Variants in GAP43 observed in about 807,000 individuals in gnomAD.
GAP43 encodes the protein neuromodulin.
A neutral mutation model predicts 18.6 loss-of-function variants in GAP43; 6 were observed. That is an observed-to-expected ratio of 0.32 (90% CI 0.18 to 0.64). The LOEUF (loss-of-function observed/expected upper bound fraction) is 0.64. GAP43 is among the 30% of genes least tolerant of loss of function. GAP43 has a pLI of 0.78. For missense variants in GAP43, 292 were observed against 295.5 expected (o/e 0.99, Z 0.09); for synonymous variants, 115 against 111.4 (o/e 1.03, Z -0.20).
intron 2 of GAP43, among the ~76,000 whole-genome samples, chr3:115,706,702 T>C (rs1709368333): frequency 6.6e-6 from 1 of 152,206 alleles, no homozygotes; most frequent in Admixed American, 6.5e-5. Flanking sequence ...TTTTGGACTT[T>C]GGTCTCTGAC....
chr3:115,635,499 A>G (rs1244801987), intron 1 of GAP43, among the ~76,000 whole-genome samples: 3 of 152,108 alleles, frequency 2.0e-5, no homozygotes, highest in Admixed American at 2.0e-4. Flanking sequence ...GGAAATGAGG[A>G]TTTCTATAAC....
At chr3:115,628,275 C>T (rs951073451) in intron 1 of GAP43, among the ~76,000 whole-genome samples, 2 of 151,940 alleles carry the variant, frequency 1.3e-5, no homozygotes, top group African/African-American at 4.8e-5. Context: ...ATGCCCTGCT[C>T]TTTCTTGAGA....
intron 1 of GAP43, among the ~76,000 whole-genome samples, chr3:115,672,827 TATTA>T (rs1050377315): frequency 1.5e-4 from 23 of 150,122 alleles, no homozygotes; most frequent in African/African-American, 5.4e-4. Context: ...GAAAAACTTC[TATTA>T]ATTGTCTTTT....
intron 1 of GAP43, among the ~76,000 whole-genome samples, chr3:115,650,990 G>A (rs1390509314): frequency 6.6e-6 from 1 of 152,002 alleles, no homozygotes; most frequent in African/African-American, 2.4e-5. Flanking sequence ...AAATTAGCTG[G>A]GCATTGTGGC....
chr3:115,689,876 G>T (rs998350721), intron 2 of GAP43, among the ~76,000 whole-genome samples: 14 of 152,144 alleles, frequency 9.2e-5, no homozygotes, highest in Non-Finnish European at 1.8e-4. Flanking sequence ...AAGAATAGAT[G>T]GTAGAAAAGA....
intron 1 of GAP43, among the ~76,000 whole-genome samples, chr3:115,660,660 G>C (rs1431723102): frequency 1.3e-5 from 2 of 152,190 alleles, no homozygotes; most frequent in Non-Finnish European, 2.9e-5. Flanking sequence ...TTCTCAGAAC[G>C]GGTGTGTTTA....
chr3:115,657,807 C>T (rs1238768336), intron 1 of GAP43, among the ~76,000 whole-genome samples: 1 of 152,116 alleles, frequency 6.6e-6, no homozygotes, highest in Non-Finnish European at 1.5e-5. Flanking sequence ...TCCTCCCCAC[C>T]TCTGCCTCCC....
Position 115,662,002 on chromosome 3 carries a change from G to C in GAP43, c.31-14011G>C, listed in dbSNP as rs541848771. ...CTAAAGTTTGTTTTTGGTGGGGGTC[G>C]GGGGGAAGGGGAAGGGCATATTGTA... On this transcript the variant is annotated intron_variant, in intron 1 of 2. Transcript: ENST00000305124. Among the ~76,000 whole-genome samples, 5 of 151,702 alleles carry C rather than the reference G, an allele frequency of 3.3e-5. No individual in the cohort carries two copies. In the South Asian group the frequency reaches 1.0e-3, roughly 32 times the overall value.
chr3:115,698,298 T>TTATATATAAATATAATATATATATA (rs1346874936), intron 2 of GAP43, among the ~76,000 whole-genome samples: 1 of 62,466 alleles, frequency 1.6e-5, no homozygotes, highest in Non-Finnish European at 2.9e-5. Flanking sequence ...ATATATATAT[T>TTATATATAAATATAATATATATATA]ATATATAAAA....
At chr3:115,671,480 C>G (rs906056097) in intron 1 of GAP43, among the ~76,000 whole-genome samples, 1 of 152,080 alleles carries the variant, frequency 6.6e-6, no homozygotes, top group Non-Finnish European at 1.5e-5. Flanking sequence ...TGTCCTACAC[C>G]TTGGTTTCCT....
At chr3:115,642,076 T>C (rs1708404387) in intron 1 of GAP43, among the ~76,000 whole-genome samples, 1 of 152,072 alleles carries the variant, frequency 6.6e-6, no homozygotes, top group South Asian at 2.1e-4. Flanking sequence ...TTTCTTCCCA[T>C]GTCAGTGCTA....
At chr3:115,653,377 G>A (rs945943840) in intron 1 of GAP43, among the ~76,000 whole-genome samples, 1 of 152,152 alleles carries the variant, frequency 6.6e-6, no homozygotes, top group Non-Finnish European at 1.5e-5. Flanking sequence ...AGGAGGCGGA[G>A]GGTGCAGTGA....
At chr3:115,703,499 C>T (rs1709323037) in intron 2 of GAP43, among the ~76,000 whole-genome samples, 1 of 151,996 alleles carries the variant, frequency 6.6e-6, no homozygotes, top group African/African-American at 2.4e-5. Flanking sequence ...TGTCCCTCTG[C>T]CTGGGGTATC....
intron 2 of GAP43, among the ~76,000 whole-genome samples, chr3:115,720,321 C>T (rs1057037950): frequency 2.0e-5 from 3 of 152,154 alleles, no homozygotes; most frequent in African/African-American, 7.2e-5. Flanking sequence ...AGCACTGTCC[C>T]ACAGGAGCTG....
At chr3:115,698,440 A>G (rs576398126) in intron 2 of GAP43, among the ~76,000 whole-genome samples, 2 of 147,850 alleles carry the variant, frequency 1.4e-5, no homozygotes, top group East Asian at 4.0e-4. Flanking sequence ...CAATAAAACC[A>G]GTAGGTCTTC....
chr3:115,630,020 T>A (rs904222427), intron 1 of GAP43, among the ~76,000 whole-genome samples: 2 of 152,094 alleles, frequency 1.3e-5, no homozygotes, highest in Admixed American at 1.3e-4. Context: ...GCTGGCACTA[T>A]CTCCCCTCCA....
chr3:115,656,510 A>G (rs1014659164), intron 1 of GAP43, among the ~76,000 whole-genome samples: 1 of 152,186 alleles, frequency 6.6e-6, no homozygotes, highest in African/African-American at 2.4e-5. Context: ...GTAAATATGT[A>G]TACTGAGGGT....
At chr3:115,685,050 A>G (rs1709016021) in intron 2 of GAP43, among the ~76,000 whole-genome samples, 1 of 152,196 alleles carries the variant, frequency 6.6e-6, no homozygotes, top group African/African-American at 2.4e-5. Flanking sequence ...ATCTGTGACA[A>G]TACTTTGAAT....
intron 1 of GAP43, among the ~76,000 whole-genome samples, chr3:115,670,132 G>T (rs1708798218): frequency 8.0e-6 from 1 of 125,272 alleles, no homozygotes. Flanking sequence ...ATCTCCCAAT[G>T]CTATCCCTCC....
Sources: allele counts gnomAD v4.1 joint callset (sites outside exome capture counted in the v4.1 genomes callset), GRCh38; gene constraint gnomAD v4.1.1; transcripts MANE v1.5; gene names NCBI Gene and HGNC (gene_info 2026-07-23, HGNC 2026-07-21).